Variants in CLCC1 observed in about 807,000 individuals in gnomAD.
CLCC1 encodes the protein chloride channel CLIC-like protein 1.
Under a neutral mutation model 63.3 loss-of-function variants are expected in CLCC1, and 39 were observed. That is an observed-to-expected ratio of 0.62 (90% CI 0.48 to 0.81). CLCC1 has a LOEUF of 0.81. Ranked by LOEUF, CLCC1 falls within the 30% of genes least tolerant of loss-of-function variation. CLCC1 has a pLI of 0.00. For missense variants in CLCC1, 549 were observed against 669.4 expected (o/e 0.82, Z 1.98); for synonymous variants, 217 against 239.8 (o/e 0.90, Z 0.88).
chr1:108,935,031 G>A (rs839850), intron 11 of CLCC1, 89 bp from the exon 12 acceptor site: 358,277 of 1,291,502 alleles, frequency 0.28, 54,212 homozygotes, highest in African/African-American at 0.57. Context: ...ACCCAAATCC[G>A]TTGTAGCAAG....
chr1:108,939,998 G>A (rs375209647), intron 9 of CLCC1, 47 bp downstream of exon 9: 7 of 1,443,222 alleles, frequency 4.9e-6, no homozygotes, highest in African/African-American at 2.8e-5. Flanking sequence ...AAAATACAAG[G>A]GATTTCTGAC....
chr1:108,934,844 G>A lies in CLCC1; in HGVS notation c.1482C>T (p.Ala494=), dbSNP rs372290951. ...KESSTESSQS[A]KPVSGQDTSG... is the part of the protein sequence containing the mutation. The stretch of plus-strand genomic sequence containing the variant: ...ATGTGTCTTGGCCAGAGACAGGCTT[G>A]GCCGACTGGCTGCTTTCAGTACTGC... Residue 494 remains alanine (A), a synonymous_variant, in exon 12 of 13, where the codon GCC becomes GCT. Coordinates refer to ENST00000369969, the MANE Select transcript of CLCC1 (RefSeq NM_001377458.1). The A allele has an allele frequency of 7.5e-6, 12 of 1,606,442 alleles. No homozygotes were observed. In the African/African-American group the frequency reaches 1.1e-4, roughly 14 times the overall value.
rs968845991 is a variant in CLCC1, at chr1:108,947,670, T to A, written c.280A>T (p.Asn94Tyr). The A allele has an allele frequency of 6.2e-7, 1 of 1,612,184 alleles. No homozygotes were observed. The highest frequency in any genetic ancestry group is 8.5e-7 in the Non-Finnish European group (1 of 1,179,390). Residue 94 changes from asparagine (N) to tyrosine (Y), a missense_variant, in exon 5 of 13, where the codon AAT (asparagine) becomes TAT (tyrosine). Transcript: ENST00000369969. ...KKREDYESQS[N>Y]PVFRRYLNKI... ...TTTAAGTATCTCCTAAAAACAGGAT[T>A]GCTTTGACTTTCATAGTCTTCCCTC...
At chr1:108,942,803 C>G (rs1025824324) in intron 7 of CLCC1, among the ~76,000 whole-genome samples, 1 of 152,032 alleles carries the variant, frequency 6.6e-6, no homozygotes, top group Admixed American at 6.5e-5. Flanking sequence ...AAAAAATAAC[C>G]TAATTTTTAA....
intron 5 of CLCC1, among the ~76,000 whole-genome samples, 155 bp from the exon 6 acceptor site, chr1:108,944,212 A>G (rs1389302944): frequency 1.3e-5 from 2 of 152,178 alleles, no homozygotes; most frequent in Non-Finnish European, 2.9e-5. Flanking sequence ...GCTCACACCT[A>G]TAATCCTAGT....
In CLCC1 at chr1:108,930,944, T is replaced by TAAGA. The variant is rs1651849951; in HGVS notation, c.*1599_*1602dup. 6.3e-6 allele frequency: 1 copy of TAAGA among 159,204 alleles called. No homozygotes were observed. Among genetic ancestry groups the TAAGA allele is most frequent in the African/African-American group, 2.5e-5 (1 of 40,768 alleles). 9.9% of individuals were successfully genotyped at this position (159,204 alleles called of 1,614,324 possible). ...GCACACACCTGTAGTCCCAACTGCTTAAGAGGCTGAGGCAGGAGGACCACT... is the reference window on the plus strand; with the variant it reads ...GCACACACCTGTAGTCCCAACTGCTTAAGAAAGAGGCTGAGGCAGGAGGACCACT... On this transcript the variant is annotated 3_prime_UTR_variant, in exon 13 of 13. Coordinates refer to ENST00000369969, the MANE Select transcript of CLCC1 (RefSeq NM_001377458.1).
At position 108,931,553 on chromosome 1, in the gene CLCC1, A is replaced by G; in HGVS notation, c.*994T>C. The G allele has an allele frequency of 2.7e-6, 4 of 1,494,250 alleles. No individual in the cohort carries two copies. The highest frequency in any genetic ancestry group is 2.7e-6 in the Non-Finnish European group (3 of 1,115,392). 92.6% of individuals were successfully genotyped at this position (1,494,250 alleles called of 1,614,324 possible). On this transcript the variant is annotated 3_prime_UTR_variant, in exon 13 of 13. Transcript: ENST00000369969. ...AGTCATTCAGGTGATTTGGATGGGC[A>G]AATAGAACTATTTCTCTAATGGCCA...
At position 108,932,412 on chromosome 1, in the gene CLCC1, TAA is replaced by T. The variant is rs1652150536; in HGVS notation, c.*133_*134del. ...GATGTGTTCAATTTGCTTTCATATT[TAA>T]GTCTTTCCTGAATTGCTGTCATCAT... On this transcript the variant is annotated 3_prime_UTR_variant, in exon 13 of 13. Transcript: ENST00000369969. 6.6e-6 allele frequency: 1 copy of T among 152,204 alleles called. No homozygotes were observed. Among genetic ancestry groups the T allele is most frequent in the Non-Finnish European group, 1.5e-5 (1 of 68,040 alleles). 9.4% of individuals were successfully genotyped at this position (152,204 alleles called of 1,614,324 possible). A position where few individuals can be genotyped will look rare whatever the true frequency, so the allele number is the denominator to read the frequency against.
chr1:108,957,440 G>T (rs1656059866), intron 2 of CLCC1, among the ~76,000 whole-genome samples: 1 of 151,388 alleles, frequency 6.6e-6, no homozygotes, highest in Non-Finnish European at 1.5e-5. Context: ...AGGCACCTGG[G>T]CCCCTAAATG....
At chr1:108,956,085 T>A (rs1409876643) in intron 2 of CLCC1, among the ~76,000 whole-genome samples, 3 of 151,484 alleles carry the variant, frequency 2.0e-5, no homozygotes, top group Non-Finnish European at 4.4e-5. Flanking sequence ...AGACAGAACA[T>A]ATGTTTGTGG....
intron 5 of CLCC1, among the ~76,000 whole-genome samples, chr1:108,947,134 G>A (rs1016153141): frequency 1.1e-4 from 16 of 151,926 alleles, no homozygotes; most frequent in African/African-American, 3.1e-4. Context: ...ACGGTACTCC[G>A]GCCTGGACAA....
intron 2 of CLCC1, among the ~76,000 whole-genome samples, chr1:108,959,298 G>C (rs187815540): frequency 6.6e-6 from 1 of 151,900 alleles, no homozygotes; most frequent in Non-Finnish European, 1.5e-5. Context: ...AGGTTGCAGA[G>C]AGCTGAGAGC....
Position 108,934,795 on chromosome 1 carries a change from C to A in CLCC1, c.1531G>T (p.Ala511Ser), listed in dbSNP as rs1021649045. 6 of 1,614,142 alleles carry A rather than the reference C, an allele frequency of 3.7e-6. No homozygotes were observed. Among genetic ancestry groups the A allele is most frequent in the Non-Finnish European group, 5.1e-6 (6 of 1,180,018 alleles). Residue 511 changes from alanine (A) to serine (S), a missense_variant, in exon 12 of 13, where the codon GCA (alanine) becomes TCA (serine). Physicochemically the swap from Ala to Ser is moderately conservative, Grantham distance 99 (BLOSUM62 1). Transcript: ENST00000369969. ...DTSGNTEGSP[A>S]AEKAQLKSEA... ...GACTTGAGCTGGGCCTTTTCCGCTG[C>A]GGGTGAACCTTCTGTATTCCCTGAT...
At chr1:108,939,298 AT>A (rs1178155012) in intron 10 of CLCC1, among the ~76,000 whole-genome samples, 4 of 146,240 alleles carry the variant, frequency 2.7e-5, no homozygotes, top group African/African-American at 9.9e-5. Context: ...ATAAATATAC[AT>A]ATATGTATAA....
chr1:108,934,589 G>C, intron 12 of CLCC1, 36 bp downstream of exon 12: 1 of 1,479,388 alleles, frequency 6.8e-7, no homozygotes, highest in Non-Finnish European at 9.1e-7. Context: ...CAGAATTCTT[G>C]CAGAGAAGAG....
intron 9 of CLCC1, 22 bp downstream of exon 9, chr1:108,940,023 T>G (rs1455799969): frequency 7.1e-6 from 11 of 1,548,536 alleles, no homozygotes; most frequent in Non-Finnish European, 7.9e-6. Flanking sequence ...TTTAAGTAAT[T>G]TTTACAAAAT....
chr1:108,960,221 T>G (rs1388840018), intron 2 of CLCC1, among the ~76,000 whole-genome samples: 1 of 152,180 alleles, frequency 6.6e-6, no homozygotes, highest in African/African-American at 2.4e-5. Context: ...CTGTATACTT[T>G]ATTGGAAAAA....
At chr1:108,952,735 G>A (rs1375872123) in intron 2 of CLCC1, among the ~76,000 whole-genome samples, 1 of 151,756 alleles carries the variant, frequency 6.6e-6, no homozygotes, top group African/African-American at 2.4e-5. Context: ...AGGAGGCAGA[G>A]GTTGCAGTGA....
intron 2 of CLCC1, among the ~76,000 whole-genome samples, chr1:108,958,364 T>C (rs1656179210): frequency 6.6e-6 from 1 of 151,552 alleles, no homozygotes; most frequent in Non-Finnish European, 1.5e-5. Flanking sequence ...TCCTGTCCTG[T>C]TCCATCCCAC....
Sources: allele counts gnomAD v4.1 joint callset (sites outside exome capture counted in the v4.1 genomes callset), GRCh38; gene constraint gnomAD v4.1.1; transcripts MANE v1.5; gene names NCBI Gene and HGNC (gene_info 2026-07-23, HGNC 2026-07-21).